The following RFX8 variants were observed in gnomAD, a reference collection of about 807,000 sequenced individuals.
RFX8 encodes DNA-binding protein RFX8.
Under a neutral mutation model 54.6 loss-of-function variants are expected in RFX8, and 46 were observed. The ratio of observed to expected loss-of-function variants is 0.84; its 90% CI spans 0.67 to 1.08. The LOEUF is 1.08. RFX8 is among the 50% of genes least tolerant of loss of function. The probability of loss-of-function intolerance (pLI) is 0.00; values close to 1 mark genes in which losing one functional copy is unlikely to be tolerated. For missense variants in RFX8, 536 were observed against 562.3 expected (o/e 0.95, Z 0.47); for synonymous variants, 192 against 209.5 (o/e 0.92, Z 0.72).
chr2:101,430,790 G>A (rs1573413693), intron 2 of RFX8, among the ~76,000 whole-genome samples: 1 of 152,070 alleles, frequency 6.6e-6, no homozygotes, highest in Non-Finnish European at 1.5e-5. Flanking sequence ...CAGATTTTGG[G>A]ACATTACAGC....
At chr2:101,407,406 ATCCTGCTGGGCACGGTGGC>A (rs1685799953) in intron 9 of RFX8, among the ~76,000 whole-genome samples, 7 of 152,160 alleles carry the variant, frequency 4.6e-5, no homozygotes. Context: ...AAGCACAGGG[ATCCTGCTGGGCACGGTGGC>A]TCACGCCTAT....
chr2:101,412,984 T>G lies in RFX8; in HGVS notation c.649A>C (p.Thr217Pro). 6.4e-7 allele frequency: 1 copy of G among 1,551,954 alleles called. No individual in the cohort carries two copies. The highest frequency in any genetic ancestry group is 8.7e-7 in the Non-Finnish European group (1 of 1,147,024). ...TCACTTGCCAGGGCTTTCTTAGAAG[T>G]AGCCAAAGTGCCTTGATTGATGATG... ...QAIINQGTLA[T>P]SKKALASDRS... Residue 217 changes from threonine to proline, a missense_variant, in exon 8 of 12, where the codon ACT becomes CCT. Thr to Pro is a conservative substitution (Grantham distance 38, BLOSUM62 -1). Coordinates refer to ENST00000428343, the MANE Select transcript of RFX8 (RefSeq NM_001145664.2).
chr2:101,405,619 C>A (rs2104525069), intron 10 of RFX8, among the ~76,000 whole-genome samples: 1 of 152,038 alleles, frequency 6.6e-6, no homozygotes, highest in Admixed American at 6.6e-5. Flanking sequence ...TTCAAAGAAC[C>A]CATTTTGTTC....
At chr2:101,447,833 G>C (rs1688473050) in intron 2 of RFX8, among the ~76,000 whole-genome samples, 1 of 152,086 alleles carries the variant, frequency 6.6e-6, no homozygotes, top group Non-Finnish European at 1.5e-5. Flanking sequence ...ACTTATTTTA[G>C]CTCTCTCCTA....
At position 101,402,416 on chromosome 2, in the gene RFX8, G is replaced by A. The variant is rs11123876; in HGVS notation, c.1245+20C>T. The A allele has an allele frequency of 0.29, 435,423 of 1,524,104 alleles. 63,948 individuals are homozygous for A. The highest frequency in any genetic ancestry group is 0.4 in the South Asian group (33,140 of 82,282). 94.4% of individuals were successfully genotyped at this position (1,524,104 alleles called of 1,614,324 possible). The stretch of plus-strand genomic sequence containing the variant: ...TTCCCCTTGAAACAGCTGTGTGGAA[G>A]GGGGTCCTGGTGTCCCTACCTTATT... On this transcript the variant is annotated intron_variant, in intron 11 of 11. Transcript: ENST00000428343.
chr2:101,453,303 AG>A (rs1688800913), intron 2 of RFX8, among the ~76,000 whole-genome samples: 1 of 150,206 alleles, frequency 6.7e-6, no homozygotes, highest in Non-Finnish European at 1.5e-5. Flanking sequence ...ATAAAAAGAG[AG>A]AAAAAAAGAA....
rs1282896479 is a variant in RFX8 at position 101,402,711 on chromosome 2, T to C, written c.970A>G (p.Ile324Val). ...LFHLLLLEYM[I>V]HILQSCLEEE... ...TCTAGGCATGACTGAAGTATATGAA[T>C]CATATATTCCAAAAGCAACAAGTGA... Residue 324 changes from isoleucine (I) to valine (V), a missense_variant, in exon 11 of 12, where the codon ATT becomes GTT. Coordinates refer to ENST00000428343, the MANE Select transcript of RFX8 (RefSeq NM_001145664.2). 3 of 1,551,912 alleles carry C rather than the reference T, an allele frequency of 1.9e-6. No individual in the cohort carries two copies. The highest frequency in any genetic ancestry group is 2.6e-6 in the Non-Finnish European group (3 of 1,146,570).
At chr2:101,404,965 T>A (rs768587950) in intron 10 of RFX8, among the ~76,000 whole-genome samples, 1 of 152,082 alleles carries the variant, frequency 6.6e-6, no homozygotes, top group Non-Finnish European at 1.5e-5. Context: ...ATCTGGCAGC[T>A]CTCTATGCAG....
intron 2 of RFX8, among the ~76,000 whole-genome samples, chr2:101,460,327 G>A (rs182924269): frequency 3.7e-4 from 56 of 152,222 alleles, no homozygotes; most frequent in African/African-American, 1.2e-3. Flanking sequence ...TTTCTGCGTC[G>A]ATCTCACTGA....
chr2:101,407,824 C>T (rs760117727), intron 9 of RFX8, among the ~76,000 whole-genome samples: 14 of 152,212 alleles, frequency 9.2e-5, no homozygotes, highest in South Asian at 2.1e-4. Context: ...CTTCCCGTCA[C>T]GTCCACAGTG....
At chr2:101,461,020 G>C (rs1276361961) in intron 2 of RFX8, among the ~76,000 whole-genome samples, 1 of 151,626 alleles carries the variant, frequency 6.6e-6, no homozygotes, top group Non-Finnish European at 1.5e-5. Context: ...TGTAATCCCA[G>C]CACTTTGGGA....
intron 7 of RFX8, among the ~76,000 whole-genome samples, chr2:101,413,879 T>C (rs1420746050): frequency 6.6e-6 from 1 of 152,122 alleles, no homozygotes; most frequent in African/African-American, 2.4e-5. Context: ...GGGAGGGCTC[T>C]GCACTGGGAG....
intron 2 of RFX8, among the ~76,000 whole-genome samples, chr2:101,441,836 T>C (rs765322837): frequency 5.3e-5 from 8 of 152,240 alleles, no homozygotes; most frequent in Non-Finnish European, 1.0e-4. Flanking sequence ...AGTCATTTTT[T>C]TCTTTTTAAA....
At chr2:101,444,691 G>A (rs1688276432) in intron 2 of RFX8, among the ~76,000 whole-genome samples, 1 of 152,082 alleles carries the variant, frequency 6.6e-6, no homozygotes, top group South Asian at 2.1e-4. Flanking sequence ...GAATCAAGTG[G>A]AAATTATGCA....
rs182069863 is a variant in RFX8, at chr2:101,456,793, G to T, written c.72+9984C>A. ...AATAGTTTCAGAAGGAATGGTACCAGCTCCTTTTTGTACCTCTGGTAGAAT... is the reference window on the plus strand; with the variant it reads ...AATAGTTTCAGAAGGAATGGTACCATCTCCTTTTTGTACCTCTGGTAGAAT... On this transcript the variant is annotated intron_variant, in intron 2 of 11. Coordinates refer to ENST00000428343, the MANE Select transcript of RFX8 (RefSeq NM_001145664.2). Among the ~76,000 whole-genome samples the T allele has an allele frequency of 1.1e-3, 167 of 152,268 alleles. 1 individual carries two copies. Among genetic ancestry groups the T allele is most frequent in the Non-Finnish European group, 1.8e-3 (124 of 68,022 alleles).
In RFX8 at chr2:101,397,620, A is replaced by G; in HGVS notation, c.1350T>C (p.Phe450=). Residue 450 remains phenylalanine, a synonymous_variant, in exon 12 of 12, where the codon TTT becomes TTC. Transcript: ENST00000428343. ...GGGGTACATCTGATATCTGAATCAC[A>G]AATTGTTGTCCATCTTTTAGGGTTA... ...ALITLKDGQQ[F]VIQISDVPQS... is the part of the protein sequence containing the mutation. 6.4e-7 allele frequency: 1 copy of G among 1,551,294 alleles called. No individual in the cohort carries two copies. Among genetic ancestry groups the G allele is most frequent in the Non-Finnish European group, 8.7e-7 (1 of 1,146,752 alleles).
chr2:101,441,219 C>T (rs778237136), intron 2 of RFX8, among the ~76,000 whole-genome samples: 6 of 152,194 alleles, frequency 3.9e-5, no homozygotes, highest in Non-Finnish European at 7.3e-5. Context: ...ATCCGCCTGC[C>T]TCGGCCTCCC....
rs368285484 is a variant in RFX8 at position 101,466,893 on chromosome 2, C to A, written c.-45G>T. 1.4e-6 allele frequency: 2 copies of A among 1,422,094 alleles called. No individual in the cohort carries two copies. The highest frequency in any genetic ancestry group is 2.5e-5 in the East Asian group (1 of 40,256). 88.1% of individuals were successfully genotyped at this position (1,422,094 alleles called of 1,614,324 possible). On this transcript the variant is annotated 5_prime_UTR_variant, in exon 2 of 12. Transcript: ENST00000428343. ...CACTCTTCGCAAATGCAGAAGTTGT[C>A]GACCAACCTGGAGGAGAGGAGGACA...
At chr2:101,459,321 T>G (rs181368469) in intron 2 of RFX8, among the ~76,000 whole-genome samples, 23 of 152,372 alleles carry the variant, frequency 1.5e-4, no homozygotes, top group Admixed American at 1.4e-3. Context: ...TCAGCTTTTC[T>G]GCTCTGGTTT....
Sources: gnomAD v4.1 joint callset for allele counts (sites outside exome capture counted in the v4.1 genomes callset) on GRCh38, gnomAD v4.1.1 for gene constraint, MANE v1.5 for transcripts, NCBI Gene and HGNC (gene_info 2026-07-23, HGNC 2026-07-21) for gene names.